DHRSX: variants seen among roughly 807,000 people sequenced by gnomAD.
DHRSX encodes dehydrogenase/reductase X-linked.
A neutral mutation model predicts 34.0 loss-of-function variants in DHRSX; 31 were observed. The ratio of observed to expected loss-of-function variants is 0.91; its 90% CI spans 0.69 to 1.23. The LOEUF is 1.23. DHRSX is among the 50% of genes most tolerant of loss of function. The pLI is 0.00. For synonymous variants in DHRSX, 201 were observed against 183.8 expected, an observed-to-expected ratio of 1.09 and a Z score of -0.76; for missense variants, 414 against 428.1, an observed-to-expected ratio of 0.97 and a Z score of 0.29.
rs192124407 is a variant in DHRSX at position 2,220,047 on chromosome X, T to G, written c.*994A>C. 1.3e-5 allele frequency: 2 copies of G among 152,170 alleles called. No individual in the cohort carries two copies. The highest frequency in any genetic ancestry group is 6.6e-5 in the Admixed American group (1 of 15,266). 9.4% of individuals were successfully genotyped at this position (152,170 alleles called of 1,614,324 possible). On this transcript the variant is annotated 3_prime_UTR_variant, in exon 7 of 7. Coordinates refer to ENST00000334651, the MANE Select transcript of DHRSX (RefSeq NM_145177.3). ...GTTGGAGCCTTAAAACAAGAAAGAT[T>G]TATTCTCTCTCCGTTCTGGGGACCA...
At chrX:2,447,921 G>A (rs1468369087) in intron 1 of DHRSX, among the ~76,000 whole-genome samples, 1 of 149,556 alleles carries the variant, frequency 6.7e-6, no homozygotes, top group Non-Finnish European at 1.5e-5. Flanking sequence ...GAGGCCAGGA[G>A]CGGTGGCTTA....
intron 3 of DHRSX, among the ~76,000 whole-genome samples, chrX:2,401,108 CTTTT>C (rs35151918): frequency 5.4e-4 from 69 of 128,448 alleles, no homozygotes; most frequent in Admixed American, 4.8e-4. Flanking sequence ...ATTTGGGAAG[CTTTT>C]TTTTTTTTTT....
intron 3 of DHRSX, among the ~76,000 whole-genome samples, chrX:2,400,326 T>A (rs1041017225): frequency 6.6e-6 from 1 of 152,180 alleles, no homozygotes; most frequent in Non-Finnish European, 1.5e-5. Flanking sequence ...CGCAACCTCC[T>A]TAACAATCCT....
At position 2,356,671 on chromosome X, in the gene DHRSX, C is replaced by T. The variant is rs141959784; in HGVS notation, c.286+52074G>A. On this transcript the variant is annotated intron_variant, in intron 3 of 6. Transcript: ENST00000334651. The stretch of plus-strand genomic sequence containing the variant: ...CCCCTGAGAAAGCCAGACCAACCTC[C>T]CTCTTCCTCCTTCTCCTCCTCAGCC... 4.6e-3 allele frequency among the ~76,000 whole-genome samples: 706 copies of T among 152,210 alleles called. 5 individuals carry two copies. Among genetic ancestry groups the T allele is most frequent in the African/African-American group, 0.016 (651 of 41,534 alleles).
At chrX:2,307,362 T>TGG (rs1309322781) in intron 3 of DHRSX, among the ~76,000 whole-genome samples, 1 of 152,152 alleles carries the variant, frequency 6.6e-6, no homozygotes, top group Non-Finnish European at 1.5e-5. Context: ...ATGAGGTATT[T>TGG]TGTTCACCGT....
chrX:2,291,529 T>G lies in DHRSX; in HGVS notation c.361A>C (p.Ile121Leu). The stretch of plus-strand genomic sequence containing the variant: ...TTGTTGATCAGGACATGGAGAGGAA[T>G]CTTCTTCATCTTGAACTTCTGCACA... ...QFVQKFKMKK[I>L]PLHVLINNAG... Residue 121 changes from isoleucine to leucine, a missense_variant, in exon 4 of 7, where the codon ATT becomes CTT. Physicochemically the swap from Ile to Leu is conservative, Grantham distance 5. Coordinates refer to ENST00000334651, the MANE Select transcript of DHRSX (RefSeq NM_145177.3). 1.2e-6 allele frequency: 2 copies of G among 1,613,930 alleles called. No homozygotes were observed. The highest frequency in any genetic ancestry group is 1.7e-6 in the Non-Finnish European group (2 of 1,179,814).
intron 3 of DHRSX, among the ~76,000 whole-genome samples, chrX:2,344,439 C>T (rs1412064117): frequency 6.6e-6 from 1 of 151,872 alleles, no homozygotes; most frequent in Non-Finnish European, 1.5e-5. Flanking sequence ...GACAGTGTGG[C>T]GATTCCTCAA....
intron 6 of DHRSX, among the ~76,000 whole-genome samples, chrX:2,229,210 C>G (rs2015807532): frequency 6.6e-6 from 1 of 152,132 alleles, no homozygotes; most frequent in East Asian, 1.9e-4. Flanking sequence ...AAGTGGCTGG[C>G]AAGTAAAGAG....
rs184425446 is a variant in DHRSX at position 2,314,782 on chromosome X, C to T, written c.287-23179G>A. On this transcript the variant is annotated intron_variant, in intron 3 of 6. Transcript: ENST00000334651. ...GGGCAAGATAAAAAAATCAGAACTT[C>T]GTCCTCATGATTTTGCCTGGAGCAG... 1.7e-3 allele frequency among the ~76,000 whole-genome samples: 264 copies of T among 152,210 alleles called. 3 individuals carry two copies. Among genetic ancestry groups the T allele is most frequent in the Admixed American group, 0.016 (237 of 15,276 alleles).
chrX:2,431,326 C>A (rs868569631), intron 1 of DHRSX, among the ~76,000 whole-genome samples: 183 of 124,044 alleles, frequency 1.5e-3, no homozygotes, highest in South Asian at 2.2e-3. Flanking sequence ...CTCCATCTCA[C>A]AAAAAAAAAA....
chrX:2,436,497 T>TTATTATTATTAC (rs1217974470), intron 1 of DHRSX, among the ~76,000 whole-genome samples: 3 of 132,144 alleles, frequency 2.3e-5, no homozygotes, highest in African/African-American at 9.2e-5. Context: ...ATTATTATTA[T>TTATTATTATTAC]TACTACTACT....
At chrX:2,316,596 C>T (rs2042244108) in intron 3 of DHRSX, among the ~76,000 whole-genome samples, 1 of 152,084 alleles carries the variant, frequency 6.6e-6, no homozygotes, top group Admixed American at 6.6e-5. Context: ...AAAAGGATCT[C>T]TGAGACCATC....
intron 1 of DHRSX, chrX:2,489,731 T>C: frequency 1.2e-6 from 2 of 1,613,182 alleles, no homozygotes; most frequent in Non-Finnish European, 1.7e-6. Flanking sequence ...ATAGAGCATG[T>C]ACATGGCCAC....
At position 2,463,998 on chromosome X, in the gene DHRSX, T is replaced by G; in HGVS notation, c.109+36819A>C. On this transcript the variant is annotated intron_variant, in intron 1 of 6. Transcript: ENST00000334651. Reference sequence around the variant, plus strand: ...ACTGCTGTGTACACACTGAAGACATTCGCTAAGAATATGGCTAAGAGACGG... The same window carrying G: ...ACTGCTGTGTACACACTGAAGACATGCGCTAAGAATATGGCTAAGAGACGG... 1.3e-5 allele frequency among the ~76,000 whole-genome samples: 2 copies of G among 152,098 alleles called. 1 individual carries two copies. Among genetic ancestry groups the G allele is most frequent in the Non-Finnish European group, 2.9e-5 (2 of 68,018 alleles).
chrX:2,409,748 G>C (rs1269458022), intron 2 of DHRSX, among the ~76,000 whole-genome samples: 12 of 147,278 alleles, frequency 8.1e-5, no homozygotes, highest in Non-Finnish European at 1.5e-4. Context: ...TTTTTTTTTT[G>C]AGACAGAATC....
intron 3 of DHRSX, among the ~76,000 whole-genome samples, chrX:2,363,190 A>G (rs1231812796): frequency 1.8e-5 from 2 of 111,724 alleles, no homozygotes; most frequent in African/African-American, 6.5e-5. Context: ...TCACCGTTCT[A>G]TGGTATCATG....
chrX:2,339,505 C>G (rs1189558477), intron 3 of DHRSX, among the ~76,000 whole-genome samples: 2 of 151,966 alleles, frequency 1.3e-5, no homozygotes, highest in Non-Finnish European at 2.9e-5. Context: ...AGTACACATT[C>G]CACACTATTT....
rs775259345 is a variant in DHRSX at position 2,344,872 on chromosome X, CATATATATATATATATATATAT to C, written c.287-53291_287-53270del. ...AGAACTTAAAGTATATAAAAAGAAG[CATATATATATATATATATATAT>C]ATATATATATATATATATATACTGT... On this transcript the variant is annotated intron_variant, in intron 3 of 6. Transcript: ENST00000334651. Among the ~76,000 whole-genome samples the C allele has an allele frequency of 7.3e-3, 721 of 98,356 alleles. 7 individuals are homozygous for C. Among genetic ancestry groups the C allele is most frequent in the African/African-American group, 0.015 (370 of 24,498 alleles). The allele number at this position is 98,356 out of a possible 152,430, so 64.5% of individuals were successfully genotyped here.
chrX:2,374,404 C>T (rs950826796), intron 3 of DHRSX, among the ~76,000 whole-genome samples: 1 of 151,602 alleles, frequency 6.6e-6, no homozygotes, highest in Non-Finnish European at 1.5e-5. Context: ...TTCAAGACCA[C>T]CCAGGGCAAC....
Sources: gnomAD v4.1 joint callset for allele counts (sites outside exome capture counted in the v4.1 genomes callset) on GRCh38, gnomAD v4.1.1 for gene constraint, MANE v1.5 for transcripts, NCBI Gene and HGNC (gene_info 2026-07-23, HGNC 2026-07-21) for gene names.